Variants in BBX observed in about 807,000 individuals in gnomAD.
BBX encodes the protein BBX high mobility group box domain containing.
A neutral mutation model predicts 100.2 loss-of-function variants in BBX; 30 were observed. The observed-to-expected ratio is 0.30, with a 90% CI of 0.22 to 0.41. BBX has a LOEUF of 0.41. BBX is among the 10% of genes least tolerant of loss of function. The pLI is 1.00. For missense variants in BBX, 1,023 were observed against 1,129.8 expected, an observed-to-expected ratio of 0.91 and a Z score of 1.35; for synonymous variants, 376 against 388.1, an observed-to-expected ratio of 0.97 and a Z score of 0.37.
chr3:107,723,092 G>A (rs1336294666), intron 5 of BBX, among the ~76,000 whole-genome samples: 1 of 151,814 alleles, frequency 6.6e-6, no homozygotes, highest in Non-Finnish European at 1.5e-5. Context: ...CACAATTTTG[G>A]TAGATGATAC....
At position 107,757,507 on chromosome 3, in the gene BBX, T is replaced by C. The variant is rs79779102; in HGVS notation, c.906+1829T>C. Among the ~76,000 whole-genome samples, 161 of 152,258 alleles carry C rather than the reference T, an allele frequency of 1.1e-3. No homozygotes were observed. In the East Asian group the frequency reaches 0.03, roughly 29 times the overall value. ...ACCAAGACTGAGTTTCTTATGACAT[T>C]TGAGCAAAGATTTATACTTTTGATT... On this transcript the variant is annotated intron_variant, in intron 10 of 17. Coordinates refer to ENST00000325805, the MANE Select transcript of BBX (RefSeq NM_001142568.3).
intron 5 of BBX, among the ~76,000 whole-genome samples, chr3:107,722,616 C>T (rs558710284): frequency 2.6e-5 from 4 of 151,948 alleles, no homozygotes; most frequent in Admixed American, 6.6e-5. Flanking sequence ...CATATTCAAA[C>T]CACTTTTTCA....
intron 3 of BBX, chr3:107,656,943 A>C (rs1035276430): frequency 2.0e-5 from 3 of 152,234 alleles, no homozygotes; most frequent in African/African-American, 7.2e-5. Flanking sequence ...TGAATAGACT[A>C]CTTGGGCCAG....
rs1296313104 is a variant in BBX at position 107,551,935 on chromosome 3, T to C, written c.-84+25537T>C. Among the ~76,000 whole-genome samples, 3 of 152,216 alleles carry C rather than the reference T, an allele frequency of 2.0e-5. No homozygotes were observed. The East Asian group carries it at 5.8e-4, about 29-fold the overall frequency. On this transcript the variant is annotated intron_variant, in intron 2 of 17. Transcript: ENST00000325805. ...AGGCTGAAGAAAGCCCTATGTTTAC[T>C]TTAGTTGCAGAACATTGAGCTTTTC...
rs62263963 is a variant in BBX at position 107,785,136 on chromosome 3, A to G, written c.2204-4651A>G. ...AATAGATAATCTTGATAGATGCATA[A>G]CTAATAAAGACATTGAACTAGTAAT... On this transcript the variant is annotated intron_variant, in intron 13 of 17. Coordinates refer to ENST00000325805, the MANE Select transcript of BBX (RefSeq NM_001142568.3). Among the ~76,000 whole-genome samples the G allele has an allele frequency of 6.7e-3, 1,019 of 151,804 alleles. 8 individuals carry two copies. Among genetic ancestry groups the G allele is most frequent in the Non-Finnish European group, 9.6e-3 (653 of 67,772 alleles).
intron 3 of BBX, among the ~76,000 whole-genome samples, chr3:107,696,977 C>T (rs1320446659): frequency 3.3e-5 from 5 of 151,800 alleles, no homozygotes; most frequent in African/African-American, 1.2e-4. Context: ...CCCTTTCTTC[C>T]ATTTGATCGC....
At chr3:107,645,113 C>T (rs2057439884) in intron 2 of BBX, among the ~76,000 whole-genome samples, 1 of 152,062 alleles carries the variant, frequency 6.6e-6, no homozygotes, top group African/African-American at 2.4e-5. Context: ...GATTTAGTTT[C>T]ACCACTGAAG....
intron 13 of BBX, among the ~76,000 whole-genome samples, chr3:107,780,221 C>G (rs1224406025): frequency 2.0e-5 from 3 of 151,970 alleles, no homozygotes; most frequent in Non-Finnish European, 2.9e-5. Context: ...TTTAAAGTTG[C>G]TGATAAATAC....
chr3:107,729,721 T>A (rs752361936), intron 6 of BBX, among the ~76,000 whole-genome samples: 2 of 152,124 alleles, frequency 1.3e-5, no homozygotes, highest in Non-Finnish European at 2.9e-5. Flanking sequence ...AGCTACAGGG[T>A]TCCTATTTTG....
Position 107,711,299 on chromosome 3 carries a change from A to G in BBX, c.162+677A>G, listed in dbSNP as rs199548674. On this transcript the variant is annotated intron_variant, in intron 4 of 17. Transcript: ENST00000325805. ...GACCAGAATAGAAGCTCAGTATAAG[A>G]ACAGGGGCCTTGCCTGTCTCGTCCT... 68 of 471,144 alleles carry G rather than the reference A, an allele frequency of 1.4e-4. 1 individual carries two copies. The highest frequency in any genetic ancestry group is 6.5e-4 in the Middle Eastern group (2 of 3,078). 29.2% of individuals were successfully genotyped at this position (471,144 alleles called of 1,614,324 possible). A position where few individuals can be genotyped will look rare whatever the true frequency, so the allele number is the denominator to read the frequency against.
At chr3:107,728,744 T>C (rs1464244389) in intron 5 of BBX, 21 bp from the exon 6 acceptor site, 5 of 1,582,058 alleles carry the variant, frequency 3.2e-6, no homozygotes, top group Non-Finnish European at 3.4e-6. Context: ...TAAAATCTGC[T>C]GTCTGTCGTT....
chr3:107,678,274 C>T (rs1368660842), intron 3 of BBX, among the ~76,000 whole-genome samples: 3 of 151,768 alleles, frequency 2.0e-5, no homozygotes, highest in Non-Finnish European at 4.4e-5. Flanking sequence ...TTTTGACATG[C>T]AGAGATATTT....
chr3:107,728,765 T>C lies in BBX; in HGVS notation c.406T>C (p.Tyr136His). 6.2e-7 allele frequency: 1 copy of C among 1,611,480 alleles called. No homozygotes were observed. Among genetic ancestry groups the C allele is most frequent in the Non-Finnish European group, 8.5e-7 (1 of 1,178,536 alleles). ...KQKYTDMAKE[Y>H]KDAFMKANPG... ...CTGCTGTCTGTCGTTTTATTTATAG[T>C]ATAAGGATGCATTTATGAAAGCAAA... The change falls in exon 6 of 18, where the codon TAT becomes CAT. Residue 136 changes from tyrosine (Y) to histidine (H), a missense_variant and splice_region_variant. Coordinates refer to ENST00000325805, the MANE Select transcript of BBX (RefSeq NM_001142568.3).
intron 12 of BBX, among the ~76,000 whole-genome samples, chr3:107,776,515 G>C (rs2067331772): frequency 6.6e-6 from 1 of 152,064 alleles, no homozygotes; most frequent in Non-Finnish European, 1.5e-5. Flanking sequence ...ATTTGGGTTT[G>C]CCTTGTTTAG....
intron 3 of BBX, among the ~76,000 whole-genome samples, chr3:107,648,761 A>G (rs1307822953): frequency 6.6e-6 from 1 of 152,242 alleles, no homozygotes. Context: ...GTTAGCACAT[A>G]GAACTCCTCA....
At chr3:107,751,524 GTTTGT>G (rs1485198336) in intron 9 of BBX, among the ~76,000 whole-genome samples, 1 of 151,892 alleles carries the variant, frequency 6.6e-6, no homozygotes, top group African/African-American at 2.4e-5. Context: ...AAAATGTTTT[GTTTGT>G]TTTGATTTTT....
At chr3:107,664,802 GAGAA>G (rs2058655335) in intron 3 of BBX, among the ~76,000 whole-genome samples, 1 of 152,178 alleles carries the variant, frequency 6.6e-6, no homozygotes, top group Non-Finnish European at 1.5e-5. Context: ...TGTTGAGATA[GAGAA>G]AGAGTGACCC....
chr3:107,674,091 A>G (rs964578439), intron 3 of BBX, among the ~76,000 whole-genome samples: 4 of 152,174 alleles, frequency 2.6e-5, no homozygotes, highest in Non-Finnish European at 5.9e-5. Flanking sequence ...GTGATGATAC[A>G]TTTTTCAAGG....
chr3:107,569,163 G>A (rs9842211), intron 2 of BBX, among the ~76,000 whole-genome samples: 17,923 of 152,194 alleles, frequency 0.12, 1,400 homozygotes, highest in Middle Eastern at 0.19. Context: ...ATTTAATTGA[G>A]CAATTCCTTC....
Sources: gnomAD v4.1 joint callset for allele counts (sites outside exome capture counted in the v4.1 genomes callset) on GRCh38, gnomAD v4.1.1 for gene constraint, MANE v1.5 for transcripts, NCBI Gene and HGNC (gene_info 2026-07-23, HGNC 2026-07-21) for gene names.